Variants in NRIP1 observed in about 807,000 individuals in gnomAD.
NRIP1 encodes the protein nuclear receptor interacting protein 1.
NRIP1 carries 28 observed loss-of-function variants against 75.0 expected under a neutral mutation model. That is an observed-to-expected ratio of 0.37 (90% CI 0.28 to 0.51). The LOEUF (loss-of-function observed/expected upper bound fraction) is 0.51. Among genes scored for constraint, NRIP1 ranks in the 20% least tolerant of loss-of-function variants. The pLI, the probability that NRIP1 is intolerant of heterozygous loss-of-function variation, is 0.92. For missense variants in NRIP1, 1,435 were observed against 1,343.7 expected, an observed-to-expected ratio of 1.07 and a Z score of -1.06; for synonymous variants, 526 against 487.6, an observed-to-expected ratio of 1.08 and a Z score of -1.04.
At chr21:14,981,740 T>C (rs1197945840) in intron 3 of NRIP1, among the ~76,000 whole-genome samples, 1 of 152,200 alleles carries the variant, frequency 6.6e-6, no homozygotes, top group African/African-American at 2.4e-5. Flanking sequence ...ACTAAAATCT[T>C]TAATGAAAAT....
At chr21:15,023,600 T>C (rs1050550154) in intron 2 of NRIP1, among the ~76,000 whole-genome samples, 2 of 152,202 alleles carry the variant, frequency 1.3e-5, no homozygotes, top group African/African-American at 4.8e-5. Context: ...CCATGTTTAT[T>C]ATATAAATAC....
intron 3 of NRIP1, among the ~76,000 whole-genome samples, chr21:14,990,251 A>G (rs1292930272): frequency 6.6e-6 from 1 of 151,482 alleles, no homozygotes; most frequent in Non-Finnish European, 1.5e-5. Flanking sequence ...TCTTTTCTCC[A>G]TCTTTTATTT....
At chr21:15,024,500 T>C (rs959628590) in intron 2 of NRIP1, among the ~76,000 whole-genome samples, 2 of 151,818 alleles carry the variant, frequency 1.3e-5, no homozygotes, top group Admixed American at 6.6e-5. Flanking sequence ...TGAGAACGCA[T>C]CACTGCACTC....
intron 3 of NRIP1, among the ~76,000 whole-genome samples, chr21:14,994,003 A>G (rs1245283461): frequency 6.6e-6 from 1 of 152,172 alleles, no homozygotes; most frequent in Non-Finnish European, 1.5e-5. Context: ...ATGTATTTAT[A>G]TATTTTACTA....
At chr21:14,993,422 C>T (rs2087626763) in intron 3 of NRIP1, among the ~76,000 whole-genome samples, 2 of 152,096 alleles carry the variant, frequency 1.3e-5, no homozygotes, top group Non-Finnish European at 2.9e-5. Flanking sequence ...ACAAATATCC[C>T]TTCTATATTC....
At chr21:15,031,347 G>A (rs1465609389) in intron 2 of NRIP1, among the ~76,000 whole-genome samples, 7 of 144,364 alleles carry the variant, frequency 4.8e-5, no homozygotes, top group Non-Finnish European at 9.1e-5. Flanking sequence ...GCGCTCGGAG[G>A]ATCACCACAT....
intron 3 of NRIP1, among the ~76,000 whole-genome samples, chr21:14,993,796 G>T (rs1255515804): frequency 6.6e-6 from 1 of 151,580 alleles, no homozygotes; most frequent in Admixed American, 6.6e-5. Flanking sequence ...AAAAAAAAAT[G>T]ACAGTGTATA....
chr21:14,996,207 T>G (rs760854617), intron 3 of NRIP1, among the ~76,000 whole-genome samples: 1 of 152,226 alleles, frequency 6.6e-6, no homozygotes, highest in Non-Finnish European at 1.5e-5. Flanking sequence ...ACATTCTTTT[T>G]GTAGTACTAA....
Position 14,967,212 on chromosome 21 carries a change from A to T in NRIP1, c.981T>A (p.Gly327=), listed in dbSNP as rs1411355132. The T allele has an allele frequency of 6.2e-7, 1 of 1,614,020 alleles. No individual in the cohort carries two copies. Among genetic ancestry groups the T allele is most frequent in the South Asian group, 1.1e-5 (1 of 91,072 alleles). The change falls in exon 4 of 4, where the codon GGT becomes GGA. Residue 327 remains glycine (G), a synonymous_variant. Transcript: ENST00000318948. ...LPKGMSSHLN[G]QARTSSSKLM... Reference sequence around the variant, plus strand: ...GTTTGCTTGATGATGTTCTTGCCTGACCATTAAGATGGCTTGACATTCCTT... The same window carrying T: ...GTTTGCTTGATGATGTTCTTGCCTGTCCATTAAGATGGCTTGACATTCCTT...
upstream of NRIP1, among the ~76,000 whole-genome samples, chr21:15,065,395 G>A (rs1352005073): frequency 6.6e-6 from 1 of 152,066 alleles, no homozygotes; most frequent in Non-Finnish European, 1.5e-5. Context: ...CGCCTGGACA[G>A]CTCCTCCTGG....
rs1201070198 is a variant in NRIP1, at chr21:14,966,597, T to C, written c.1596A>G (p.Gln532=). The C allele has an allele frequency of 1.2e-6, 2 of 1,613,990 alleles. No homozygotes were observed. Among genetic ancestry groups the C allele is most frequent in the African/African-American group, 2.7e-5 (2 of 74,918 alleles). ...CTATCACAGAAGTCCTTGCATAATTTTGTGTATTGAACTTGCTCACATCAT... is the reference window on the plus strand; with the variant it reads ...CTATCACAGAAGTCCTTGCATAATTCTGTGTATTGAACTTGCTCACATCAT... ...VHNDVSKFNT[Q]NYARTSVIES... Residue 532 remains glutamine (Q), a synonymous_variant, in exon 4 of 4, where the codon CAA becomes CAG. Transcript: ENST00000318948.
chr21:15,055,149 T>A (rs2089279637), intron 1 of NRIP1, among the ~76,000 whole-genome samples: 1 of 152,188 alleles, frequency 6.6e-6, no homozygotes, highest in Non-Finnish European at 1.5e-5. Flanking sequence ...TCTTATTTGT[T>A]ACCTTTCTCA....
At chr21:15,009,320 T>C (rs956399159) in intron 3 of NRIP1, among the ~76,000 whole-genome samples, 2 of 152,192 alleles carry the variant, frequency 1.3e-5, no homozygotes, top group Admixed American at 6.5e-5. Context: ...CAAATATTTA[T>C]AAAGAAGCTG....
At chr21:15,051,036 G>A (rs555154275) in intron 1 of NRIP1, 5 of 389,786 alleles carry the variant, frequency 1.3e-5, no homozygotes, top group South Asian at 9.4e-5. Context: ...CCTAAACTTG[G>A]TTACCCGCCC....
At chr21:15,008,139 GC>G (rs1439063218) in intron 3 of NRIP1, among the ~76,000 whole-genome samples, 3 of 152,126 alleles carry the variant, frequency 2.0e-5, no homozygotes, top group African/African-American at 4.8e-5. Context: ...CAGAGTATCA[GC>G]CAAGGTAAGA....
chr21:15,064,821 C>T lies in NRIP1; in HGVS notation c.-614G>A, dbSNP rs959671997. 1.3e-4 allele frequency: 19 copies of T among 148,412 alleles called. No homozygotes were observed. The highest frequency in any genetic ancestry group is 4.6e-4 in the African/African-American group (19 of 41,134). The allele number at this position is 148,412 out of a possible 1,614,324, so 9.2% of individuals were successfully genotyped here. On this transcript the variant is annotated 5_prime_UTR_variant, in exon 1 of 4. Coordinates refer to ENST00000318948, the MANE Select transcript of NRIP1 (RefSeq NM_003489.4). ...AGGCGCCTGCCGCCCCGTCCTGGCC[C>T]GGCGCCCCGGCGAGCTCTTCCCTCC...
intron 1 of NRIP1, among the ~76,000 whole-genome samples, chr21:15,060,060 A>G (rs1457230776): frequency 2.0e-5 from 3 of 152,146 alleles, no homozygotes; most frequent in Admixed American, 6.5e-5. Context: ...CTTCATTTGT[A>G]ATATTTGCAA....
At chr21:15,034,416 A>T (rs1217905640) in intron 2 of NRIP1, among the ~76,000 whole-genome samples, 1 of 152,170 alleles carries the variant, frequency 6.6e-6, no homozygotes, top group Non-Finnish European at 1.5e-5. Context: ...CACTTTTAAA[A>T]CCTATCACAG....
At chr21:15,001,744 T>C (rs941206052) in intron 3 of NRIP1, among the ~76,000 whole-genome samples, 3 of 152,126 alleles carry the variant, frequency 2.0e-5, no homozygotes, top group Non-Finnish European at 2.9e-5. Context: ...CTCTTTCCTT[T>C]GCACCATGTT....
Sources: allele counts gnomAD v4.1 joint callset (sites outside exome capture counted in the v4.1 genomes callset), GRCh38; gene constraint gnomAD v4.1.1; transcripts MANE v1.5; gene names NCBI Gene and HGNC (gene_info 2026-07-23, HGNC 2026-07-21).